The following DGKB variants were observed in gnomAD, a reference collection of about 807,000 sequenced individuals.
DGKB encodes 90 kDa diacylglycerol kinase.
Under a neutral mutation model 114.3 loss-of-function variants are expected in DGKB, and 67 were observed. That is an observed-to-expected ratio of 0.59 (90% CI 0.48 to 0.72). DGKB has a LOEUF of 0.72. Among genes scored for constraint, DGKB ranks in the 30% least tolerant of loss-of-function variants. The pLI, the probability that DGKB is intolerant of heterozygous loss-of-function variation, is 0.00. For synonymous variants in DGKB, 398 were observed against 323.1 expected (o/e 1.23, Z -2.49); for missense variants, 907 against 975.2 (o/e 0.93, Z 0.93).
chr7:14,804,689 G>A (rs1842587480), intron 2 of DGKB, among the ~76,000 whole-genome samples: 1 of 151,960 alleles, frequency 6.6e-6, no homozygotes, highest in Admixed American at 6.6e-5. Flanking sequence ...TCTGTTAACT[G>A]TTCCTTTGTT....
rs62444591 is a variant in DGKB, at chr7:14,366,941, A to C, written c.1836-21550T>G. On this transcript the variant is annotated intron_variant, in intron 21 of 25. Transcript: ENST00000402815. ...CGTTATAGCCTGTAGTGTAAGGACAATGGTCTCCAATTTACATGGCTCAAC... is the reference window on the plus strand; with the variant it reads ...CGTTATAGCCTGTAGTGTAAGGACACTGGTCTCCAATTTACATGGCTCAAC... 5.8e-3 allele frequency among the ~76,000 whole-genome samples: 885 copies of C among 152,244 alleles called. 5 individuals carry two copies. The highest frequency in any genetic ancestry group is 0.017 in the Middle Eastern group (5 of 294).
intron 23 of DGKB, among the ~76,000 whole-genome samples, chr7:14,261,773 A>G (rs1796814905): frequency 1.3e-5 from 2 of 152,204 alleles, no homozygotes; most frequent in South Asian, 4.1e-4. Flanking sequence ...TGAATTTTAT[A>G]TGGTAGAATT....
intron 2 of DGKB, among the ~76,000 whole-genome samples, chr7:14,758,085 T>A (rs916489734): frequency 6.6e-6 from 1 of 152,104 alleles, no homozygotes; most frequent in Non-Finnish European, 1.5e-5. Flanking sequence ...AACTAAAGCC[T>A]ACTTTAGTAA....
intron 2 of DGKB, among the ~76,000 whole-genome samples, chr7:14,824,394 A>C (rs964347299): frequency 2.6e-5 from 4 of 152,192 alleles, no homozygotes; most frequent in Non-Finnish European, 4.4e-5. Context: ...GTAAGGACCT[A>C]GAACGTGTAA....
chr7:14,721,712 G>A (rs1030230219), intron 5 of DGKB, among the ~76,000 whole-genome samples: 7 of 152,070 alleles, frequency 4.6e-5, no homozygotes, highest in Admixed American at 4.6e-4. Context: ...TCTTCCTTAA[G>A]TCCAATAGCA....
intron 12 of DGKB, among the ~76,000 whole-genome samples, chr7:14,676,407 TA>T (rs1819862387): frequency 6.6e-6 from 1 of 151,580 alleles, no homozygotes; most frequent in African/African-American, 2.4e-5. Context: ...TTGTACATTT[TA>T]AAACAACTAA....
intron 1 of DGKB, among the ~76,000 whole-genome samples, chr7:14,871,463 C>G (rs1469597343): frequency 6.6e-6 from 1 of 152,040 alleles, no homozygotes; most frequent in Non-Finnish European, 1.5e-5. Flanking sequence ...TCTTTAGTTA[C>G]CATGATCCAC....
At chr7:14,870,157 C>T (rs1852242172) in intron 1 of DGKB, among the ~76,000 whole-genome samples, 1 of 152,076 alleles carries the variant, frequency 6.6e-6, no homozygotes, top group African/African-American at 2.4e-5. Flanking sequence ...GCCCACCATT[C>T]TCACCTAACA....
At chr7:14,586,919 A>T (rs962508413) in intron 17 of DGKB, among the ~76,000 whole-genome samples, 2 of 152,096 alleles carry the variant, frequency 1.3e-5, no homozygotes, top group African/African-American at 4.8e-5. Context: ...GTCACCCAAT[A>T]TTCTGATGGA....
chr7:14,448,294 A>G (rs1171405131), intron 21 of DGKB, among the ~76,000 whole-genome samples: 1 of 152,122 alleles, frequency 6.6e-6, no homozygotes, highest in Non-Finnish European at 1.5e-5. Context: ...GTGGAATTAA[A>G]GAAGGATGCT....
intron 21 of DGKB, among the ~76,000 whole-genome samples, chr7:14,444,367 C>T (rs1270058756): frequency 1.3e-5 from 2 of 151,474 alleles, no homozygotes; most frequent in Non-Finnish European, 3.0e-5. Flanking sequence ...AGTAAATTTT[C>T]ACTTAATATT....
At chr7:14,869,060 C>T (rs1852090783) in intron 1 of DGKB, among the ~76,000 whole-genome samples, 1 of 152,154 alleles carries the variant, frequency 6.6e-6, no homozygotes, top group Non-Finnish European at 1.5e-5. Flanking sequence ...TTAATCCAAA[C>T]ATTGTCAGAA....
At chr7:14,957,301 A>G (rs1298402261) in intron 1 of DGKB, among the ~76,000 whole-genome samples, 1 of 152,026 alleles carries the variant, frequency 6.6e-6, no homozygotes, top group Non-Finnish European at 1.5e-5. Context: ...AGAAAGACTT[A>G]GAATGCTGCT....
intron 1 of DGKB, among the ~76,000 whole-genome samples, chr7:14,880,042 G>A (rs1853977293): frequency 6.6e-6 from 1 of 152,078 alleles, no homozygotes; most frequent in Non-Finnish European, 1.5e-5. Flanking sequence ...ATAACTGGGG[G>A]AAATAATTTC....
chr7:14,647,502 A>G lies in DGKB; in HGVS notation c.1135-17234T>C, dbSNP rs531546268. ...TTTATAAGTACAGCATCACCCTGAT[A>G]ACAAAACGAAACACAGACACAAAAC... On this transcript the variant is annotated intron_variant, in intron 13 of 25. Transcript: ENST00000402815. Among the ~76,000 whole-genome samples the G allele has an allele frequency of 2.0e-3, 302 of 152,360 alleles. 1 individual carries two copies. The highest frequency in any genetic ancestry group is 7.1e-3 in the African/African-American group (297 of 41,590).
chr7:14,789,928 G>T (rs1840430421), intron 2 of DGKB, among the ~76,000 whole-genome samples: 1 of 152,132 alleles, frequency 6.6e-6, no homozygotes, highest in African/African-American at 2.4e-5. Flanking sequence ...GACTGATACA[G>T]TGTCTCCACA....
At chr7:14,657,001 A>G (rs1369367333) in intron 13 of DGKB, among the ~76,000 whole-genome samples, 2 of 151,774 alleles carry the variant, frequency 1.3e-5, no homozygotes, top group Admixed American at 6.6e-5. Context: ...AATCTGAGAC[A>G]ATGTAACAGA....
In DGKB at chr7:14,338,542, C is replaced by A; in HGVS notation, c.2095G>T (p.Ala699Ser). The A allele has an allele frequency of 6.3e-7, 1 of 1,581,094 alleles. No individual in the cohort carries two copies. The highest frequency in any genetic ancestry group is 8.6e-7 in the Non-Finnish European group (1 of 1,165,792). ...TGACTTGCAAACTTCAACTCTTTGG[C>A]ATCTGTGACGGTGGTCCTTTTGTCA... ...GSDKRTTVTD[A>S]KELKFASQDL... Residue 699 changes from alanine to serine, a missense_variant, in exon 23 of 26, where the codon GCC becomes TCC. Coordinates refer to ENST00000402815, the MANE Select transcript of DGKB (RefSeq NM_001350709.2).
At chr7:14,778,189 A>T (rs1462326421) in intron 2 of DGKB, among the ~76,000 whole-genome samples, 2 of 152,228 alleles carry the variant, frequency 1.3e-5, no homozygotes, top group Non-Finnish European at 2.9e-5. Flanking sequence ...ATTCAGAGTT[A>T]AAAGACCTGT....
Sources: gnomAD v4.1 joint callset for allele counts (sites outside exome capture counted in the v4.1 genomes callset) on GRCh38, gnomAD v4.1.1 for gene constraint, MANE v1.5 for transcripts, NCBI Gene and HGNC (gene_info 2026-07-23, HGNC 2026-07-21) for gene names.